Variants in PTPRA observed in about 807,000 individuals in gnomAD.
The protein encoded by PTPRA is protein tyrosine phosphatase receptor type A, also known as receptor-type tyrosine-protein phosphatase alpha.
Under a neutral mutation model 104.8 loss-of-function variants are expected in PTPRA, and 25 were observed. That is an observed-to-expected ratio of 0.24 (90% CI 0.17 to 0.33). The LOEUF (loss-of-function observed/expected upper bound fraction) is 0.33. PTPRA is among the 10% of genes least tolerant of loss of function. PTPRA has a pLI of 1.00. For synonymous variants in PTPRA, 323 were observed against 368.9 expected (o/e 0.88, Z 1.43); for missense variants, 765 against 1,015.3 (o/e 0.75, Z 3.35).
chr20:3,035,518 C>T lies in PTPRA; in HGVS notation c.1921-67C>T, dbSNP rs969075337. On this transcript the variant is annotated intron_variant, in intron 20 of 23. Coordinates refer to ENST00000399903, the MANE Select transcript of PTPRA (RefSeq NM_001385305.1). The surrounding 1 kb of genome is among the most constrained non-coding windows in gnomAD (Gnocchi z 5.8). Reference sequence around the variant, plus strand: ...CTGTACTGAGAGGGGTCAGGCTGCTCGTGGGCAGTGCTGCTTCTACACATG... The same window carrying T: ...CTGTACTGAGAGGGGTCAGGCTGCTTGTGGGCAGTGCTGCTTCTACACATG... The T allele has an allele frequency of 3.3e-6, 5 of 1,515,412 alleles. No homozygotes were observed. Among genetic ancestry groups the T allele is most frequent in the South Asian group, 1.2e-5 (1 of 85,212 alleles). 93.9% of individuals were successfully genotyped at this position (1,515,412 alleles called of 1,614,324 possible). A position where few individuals can be genotyped will look rare whatever the true frequency, so the allele number is the denominator to read the frequency against.
the PTPRA span, chr20:2,865,353 AC>A: frequency 6.2e-7 from 1 of 1,613,836 alleles, no homozygotes; most frequent in Non-Finnish European, 8.5e-7. The surrounding 1 kb of genome is among the most constrained non-coding windows in gnomAD (Gnocchi z 5.2). Context: ...GGGTCCCAGG[AC>A]CACCTGCCTC....
intron 9 of PTPRA, among the ~76,000 whole-genome samples, chr20:3,003,156 T>A (rs2063712621): frequency 1.3e-5 from 2 of 152,258 alleles, no homozygotes; most frequent in South Asian, 4.1e-4. Flanking sequence ...TTTATTTGTT[T>A]AATGTCTGCT....
chr20:2,948,753 C>T (rs763802439), intron 3 of PTPRA, among the ~76,000 whole-genome samples: 1 of 152,120 alleles, frequency 6.6e-6, no homozygotes, highest in Non-Finnish European at 1.5e-5. Context: ...AGATCAAGAC[C>T]ATCCTGGCTA....
chr20:3,028,186 G>A (rs555323991), intron 20 of PTPRA, among the ~76,000 whole-genome samples: 2 of 141,058 alleles, frequency 1.4e-5, no homozygotes, highest in African/African-American at 6.2e-5. Flanking sequence ...CCCCAGGCGG[G>A]GGGGGCACCC....
the PTPRA span, chr20:2,864,453 G>T: frequency 6.2e-7 from 1 of 1,614,200 alleles, no homozygotes; most frequent in South Asian, 1.1e-5. This position sits in a 1 kb window ranked among gnomAD's most constrained non-coding sequence, Gnocchi z 5.2. Context: ...CCCTCAGTTT[G>T]TACCGACAGG....
chr20:2,953,690 C>T (rs1226713409), intron 3 of PTPRA, among the ~76,000 whole-genome samples: 1 of 151,674 alleles, frequency 6.6e-6, no homozygotes, highest in African/African-American at 2.4e-5. Context: ...TCACCTCAAC[C>T]TCCGTCTCCT....
the PTPRA span, chr20:2,866,353 A>G: frequency 6.2e-7 from 1 of 1,614,048 alleles, no homozygotes; most frequent in Non-Finnish European, 8.5e-7. Flanking sequence ...TGGGTGGCTG[A>G]GCTGTGGGCT....
chr20:3,010,977 A>T (rs1452749931), intron 11 of PTPRA, among the ~76,000 whole-genome samples: 2 of 152,270 alleles, frequency 1.3e-5, no homozygotes, highest in African/African-American at 4.8e-5. Flanking sequence ...CTGCCACCGT[A>T]ACCAGTTTGG....
At chr20:2,977,333 A>G (rs1409260031) in intron 6 of PTPRA, among the ~76,000 whole-genome samples, 1 of 150,802 alleles carries the variant, frequency 6.6e-6, no homozygotes, top group African/African-American at 2.4e-5. Flanking sequence ...TTTGTAAAGA[A>G]GTAGTCCTTG....
At chr20:2,953,707 A>G (rs2061432575) in intron 3 of PTPRA, among the ~76,000 whole-genome samples, 1 of 150,614 alleles carries the variant, frequency 6.6e-6, no homozygotes, top group South Asian at 2.1e-4. Flanking sequence ...TCCTGGGTTC[A>G]AGCACTTCTC....
chr20:2,931,498 G>T (rs573214781), intron 2 of PTPRA, among the ~76,000 whole-genome samples: 2 of 152,184 alleles, frequency 1.3e-5, no homozygotes, highest in Non-Finnish European at 2.9e-5. Flanking sequence ...AGATAATGGA[G>T]GTGATAATCA....
chr20:2,910,284 A>T (rs1600099278), intron 1 of PTPRA, among the ~76,000 whole-genome samples: 1 of 118,490 alleles, frequency 8.4e-6, no homozygotes, highest in Non-Finnish European at 1.7e-5. Context: ...TATGCATTAT[A>T]TATAATATGT....
intron 11 of PTPRA, among the ~76,000 whole-genome samples, chr20:3,010,454 C>G (rs891643020): frequency 1.3e-5 from 2 of 151,808 alleles, no homozygotes; most frequent in African/African-American, 4.8e-5. Flanking sequence ...CGGTGAAACC[C>G]CGTCTCTACT....
In PTPRA at chr20:3,008,752, A is replaced by C. The variant is rs12481582; in HGVS notation, c.906+1332A>C. ...CTAAAAAAAAAAAAAAAACAAAAAA[A>C]AAAAAAACAACTTAGCCGGGCGTGG... On this transcript the variant is annotated intron_variant, in intron 11 of 23. Transcript: ENST00000399903. Among the ~76,000 whole-genome samples the C allele has an allele frequency of 3.9e-3, 529 of 134,498 alleles. 4 individuals carry two copies. The highest frequency in any genetic ancestry group is 0.018 in the African/African-American group (479 of 26,198). The allele number at this position is 134,498 out of a possible 152,430, so 88.2% of individuals were successfully genotyped here. A position where few individuals can be genotyped will look rare whatever the true frequency, so the allele number is the denominator to read the frequency against.
At chr20:3,026,885 A>T in intron 18 of PTPRA, 105 bp downstream of exon 18, 1 of 1,088,142 alleles carries the variant, frequency 9.2e-7, no homozygotes, top group Non-Finnish European at 1.4e-6. Flanking sequence ...ATAGACAAGA[A>T]TCATGGCATT....
At chr20:3,014,938 C>T (rs973919004) in intron 11 of PTPRA, among the ~76,000 whole-genome samples, 3 of 152,166 alleles carry the variant, frequency 2.0e-5, no homozygotes, top group Non-Finnish European at 4.4e-5. Context: ...AAGAAAGCTG[C>T]GGCCAGTTGT....
Position 2,873,702 on chromosome 20 carries a change from C to G in PTPRA, c.-187C>G, listed in dbSNP as rs1252253061. ...CTAGTGGCGGCCCGAAACGCCGCCG[C>G]GGAGCCGAGGCGGAGCCGCTGTCCT... is the stretch of plus-strand genomic sequence containing the variant. On this transcript the variant is annotated 5_prime_UTR_variant, in exon 1 of 24. Coordinates refer to ENST00000399903, the MANE Select transcript of PTPRA (RefSeq NM_001385305.1). This position sits in a 1 kb window ranked among gnomAD's most constrained non-coding sequence, Gnocchi z 4.4. 4.6e-5 allele frequency: 7 copies of G among 151,342 alleles called. No individual in the cohort carries two copies. The highest frequency in any genetic ancestry group is 7.4e-5 in the Non-Finnish European group (5 of 67,694). The allele number at this position is 151,342 out of a possible 1,614,324, so 9.4% of individuals were successfully genotyped here. A position where few individuals can be genotyped will look rare whatever the true frequency, so the allele number is the denominator to read the frequency against.
At chr20:2,901,401 G>A (rs1277461196) in intron 1 of PTPRA, among the ~76,000 whole-genome samples, 1 of 152,106 alleles carries the variant, frequency 6.6e-6, no homozygotes, top group Non-Finnish European at 1.5e-5. Context: ...GTACAATAAT[G>A]TATTTTTAGT....
chr20:3,006,508 A>T (rs184353531), intron 10 of PTPRA, among the ~76,000 whole-genome samples: 1 of 152,348 alleles, frequency 6.6e-6, no homozygotes, highest in East Asian at 1.9e-4. Context: ...AGGGTATATC[A>T]TACATTAGCA....
Sources: gnomAD v4.1 joint callset for allele counts (sites outside exome capture counted in the v4.1 genomes callset) on GRCh38, gnomAD v4.1.1 for gene constraint, Gnocchi (gnomAD v3.1) non-coding constraint, MANE v1.5 for transcripts, NCBI Gene and HGNC (gene_info 2026-07-23, HGNC 2026-07-21) for gene names.